Variants in SLCO1B1 observed in about 807,000 individuals in gnomAD.
SLCO1B1 encodes the protein OATP-2.
In SLCO1B1, 81 loss-of-function variants were observed where a neutral mutation model predicts 70.1. That is an observed-to-expected ratio of 1.16 (90% CI 0.97 to 1.39). SLCO1B1 has a LOEUF of 1.39. Ranked by LOEUF, SLCO1B1 falls within the 40% of genes most tolerant of loss-of-function variation. The pLI is 0.00. For missense variants in SLCO1B1, 895 were observed against 799.6 expected, an observed-to-expected ratio of 1.12 and a Z score of -1.44; for synonymous variants, 283 against 271.5, an observed-to-expected ratio of 1.04 and a Z score of -0.42.
chr12:21,136,237 A>G (rs1462036522), intron 1 of SLCO1B1, among the ~76,000 whole-genome samples: 2 of 151,938 alleles, frequency 1.3e-5, no homozygotes, highest in African/African-American at 4.8e-5. Context: ...TGGGTAACCC[A>G]ACCTTTCTCT....
chr12:21,139,628 A>G (rs893269097), intron 1 of SLCO1B1, among the ~76,000 whole-genome samples: 1 of 152,158 alleles, frequency 6.6e-6, no homozygotes, highest in African/African-American at 2.4e-5. Context: ...CAGATTCTAT[A>G]TAAGAAAATT....
Position 21,215,106 on chromosome 12 carries a change from A to G in SLCO1B1, c.1498-2013A>G, listed in dbSNP as rs528625627. On this transcript the variant is annotated intron_variant, in intron 11 of 14. Transcript: ENST00000256958. ...CTCCTCCAACCAGGGTTTTTGAGATATAGAATCATATCATAGTGCAGAGAG... is the reference window on the plus strand; with the variant it reads ...CTCCTCCAACCAGGGTTTTTGAGATGTAGAATCATATCATAGTGCAGAGAG... 4.0e-3 allele frequency among the ~76,000 whole-genome samples: 614 copies of G among 152,294 alleles called. 1 individual carries two copies. The highest frequency in any genetic ancestry group is 6.3e-3 in the Non-Finnish European group (427 of 68,016).
At position 21,165,736 on chromosome 12, in the gene SLCO1B1, T is replaced by C. The variant is rs563142855; in HGVS notation, c.85-6914T>C. 2.0e-5 allele frequency among the ~76,000 whole-genome samples: 3 copies of C among 152,212 alleles called. No individual in the cohort carries two copies. The South Asian group carries it at 6.2e-4, about 32-fold the overall frequency. On this transcript the variant is annotated intron_variant, in intron 2 of 14. Coordinates refer to ENST00000256958, the MANE Select transcript of SLCO1B1 (RefSeq NM_006446.5). Reference sequence around the variant, plus strand: ...GAGCTCACTAGATTTTTTTCCTCCATGTGAGAATACAAAGAGAAGTTAGCT... The same window carrying C: ...GAGCTCACTAGATTTTTTTCCTCCACGTGAGAATACAAAGAGAAGTTAGCT...
intron 7 of SLCO1B1, among the ~76,000 whole-genome samples, chr12:21,182,349 GCCAGCCTTGAAC>G (rs1462071038): frequency 1.3e-5 from 2 of 152,100 alleles, no homozygotes; most frequent in Non-Finnish European, 2.9e-5. Flanking sequence ...TAGAACTACA[GCCAGCCTTGAAC>G]CCAGGGGGTT....
chr12:21,172,728 A>G lies in SLCO1B1; in HGVS notation c.163A>G (p.Ile55Val), dbSNP rs915159194. 1.1e-5 allele frequency: 17 copies of G among 1,613,724 alleles called. No individual in the cohort carries two copies. The highest frequency in any genetic ancestry group is 1.4e-5 in the Non-Finnish European group (17 of 1,179,768). ...TATTATGAAAAGTTCCATCATTCATATAGAACGGAGATTTGAGATATCCTC... is the reference window on the plus strand; with the variant it reads ...TATTATGAAAAGTTCCATCATTCATGTAGAACGGAGATTTGAGATATCCTC... ...AIIMKSSIIH[I>V]ERRFEISSSL... The change falls in exon 3 of 15, where the codon ATA (isoleucine) becomes GTA (valine). Residue 55 changes from isoleucine to valine, a missense_variant. Ile to Val is a conservative substitution (Grantham distance 29, BLOSUM62 3). Coordinates refer to ENST00000256958, the MANE Select transcript of SLCO1B1 (RefSeq NM_006446.5).
intron 9 of SLCO1B1, among the ~76,000 whole-genome samples, 192 bp downstream of exon 9, chr12:21,200,864 T>A (rs1941149039): frequency 6.6e-6 from 1 of 152,170 alleles, no homozygotes; most frequent in Admixed American, 6.6e-5. Flanking sequence ...CATTTGAAGT[T>A]GCATCTTATT....
chr12:21,177,683 A>T (rs1243204564), intron 5 of SLCO1B1, among the ~76,000 whole-genome samples: 4 of 152,138 alleles, frequency 2.6e-5, no homozygotes, highest in African/African-American at 4.8e-5. Context: ...ATTATTGATT[A>T]ATCTTAAGGA....
Position 21,155,186 on chromosome 12 carries a change from T to A in SLCO1B1, c.84+13528T>A, listed in dbSNP as rs919156010. On this transcript the variant is annotated intron_variant, in intron 2 of 14. Coordinates refer to ENST00000256958, the MANE Select transcript of SLCO1B1 (RefSeq NM_006446.5). The stretch of plus-strand genomic sequence containing the variant: ...TATTTCTCCTCTTCAACTTATTTTT[T>A]CTCATTTTAAGGCATTAATAATTAA... 5.9e-5 allele frequency among the ~76,000 whole-genome samples: 9 copies of A among 152,052 alleles called. No homozygotes were observed. In the South Asian group the frequency reaches 1.9e-3, roughly 32 times the overall value.
chr12:21,229,089 TAG>T (rs1294349094), intron 14 of SLCO1B1, among the ~76,000 whole-genome samples: 1 of 152,078 alleles, frequency 6.6e-6, no homozygotes, highest in East Asian at 1.9e-4. Context: ...AACTCAATTT[TAG>T]AGAGTTTTAG....
intron 11 of SLCO1B1, among the ~76,000 whole-genome samples, chr12:21,208,667 T>C (rs77217292): frequency 0.017 from 2,526 of 152,174 alleles, 66 homozygotes; most frequent in African/African-American, 0.058. Flanking sequence ...TGAAAAATCA[T>C]GCCGGTTGTT....
intron 11 of SLCO1B1, among the ~76,000 whole-genome samples, chr12:21,211,847 G>A (rs866372602): frequency 2.1e-4 from 32 of 151,928 alleles, no homozygotes; most frequent in East Asian, 7.8e-4. Context: ...GTTTATTTGC[G>A]TAGAGGTGTT....
rs1591826653 is a variant in SLCO1B1, at chr12:21,222,290, C to T, written c.1683-10C>T. ...ATATTTAATGTTTCTTTGCCTTTGT[C>T]TTGTTTCAGAATTGTTCAACCTGAA... On this transcript the variant is annotated splice_polypyrimidine_tract_variant and intron_variant, in intron 12 of 14. Coordinates refer to ENST00000256958, the MANE Select transcript of SLCO1B1 (RefSeq NM_006446.5). 1 of 1,300,598 alleles carries T rather than the reference C, an allele frequency of 7.7e-7. No individual in the cohort carries two copies. Among genetic ancestry groups the T allele is most frequent in the Non-Finnish European group, 1.0e-6 (1 of 980,486 alleles). The allele number at this position is 1,300,598 out of a possible 1,614,324, so 80.6% of individuals were successfully genotyped here.
chr12:21,189,631 G>C lies in SLCO1B1; in HGVS notation c.728-7315G>C, dbSNP rs190798327. ...CTGGCTAATTTTTGTATTTTTAGTAGAGATGGGATTTCACCATGTTGGCCT... is the reference window on the plus strand; with the variant it reads ...CTGGCTAATTTTTGTATTTTTAGTACAGATGGGATTTCACCATGTTGGCCT... On this transcript the variant is annotated intron_variant, in intron 7 of 14. Coordinates refer to ENST00000256958, the MANE Select transcript of SLCO1B1 (RefSeq NM_006446.5). 1.5e-3 allele frequency among the ~76,000 whole-genome samples: 232 copies of C among 152,150 alleles called. 3 individuals are homozygous for C. The highest frequency in any genetic ancestry group is 5.5e-3 in the African/African-American group (230 of 41,496).
At chr12:21,180,362 A>G (rs1591811190) in intron 7 of SLCO1B1, among the ~76,000 whole-genome samples, 1 of 152,282 alleles carries the variant, frequency 6.6e-6, no homozygotes, top group East Asian at 1.9e-4. Context: ...CTCTTAGAGA[A>G]GCCTTACTTC....
At chr12:21,183,044 A>C (rs905728660) in intron 7 of SLCO1B1, among the ~76,000 whole-genome samples, 1 of 152,216 alleles carries the variant, frequency 6.6e-6, no homozygotes, top group Non-Finnish European at 1.5e-5. Context: ...TGGCCCAGGC[A>C]CAGGCCTGTT....
At chr12:21,162,308 AAC>A (rs1326817243) in intron 2 of SLCO1B1, among the ~76,000 whole-genome samples, 1 of 152,104 alleles carries the variant, frequency 6.6e-6, no homozygotes, top group Non-Finnish European at 1.5e-5. Flanking sequence ...AAACAATTTT[AAC>A]ACATATTTTA....
rs948123604 is a variant in SLCO1B1, at chr12:21,181,822, G to A, written c.727+2802G>A. Among the ~76,000 whole-genome samples the A allele has an allele frequency of 2.6e-5, 4 of 152,064 alleles. No homozygotes were observed. In the South Asian group the frequency reaches 8.3e-4, roughly 32 times the overall value. ...AATTTGGGGAGATTTGTGAAAATTTGAGAAAATTTATAGATGAATTGCATA... is the reference window on the plus strand; with the variant it reads ...AATTTGGGGAGATTTGTGAAAATTTAAGAAAATTTATAGATGAATTGCATA... On this transcript the variant is annotated intron_variant, in intron 7 of 14. Coordinates refer to ENST00000256958, the MANE Select transcript of SLCO1B1 (RefSeq NM_006446.5).
intron 2 of SLCO1B1, among the ~76,000 whole-genome samples, chr12:21,167,127 G>A (rs1250516952): frequency 1.3e-5 from 2 of 152,012 alleles, no homozygotes; most frequent in Non-Finnish European, 2.9e-5. Context: ...TTCTAAAAAT[G>A]TTTGCCACCA....
At chr12:21,185,472 T>C (rs10770791) in intron 7 of SLCO1B1, among the ~76,000 whole-genome samples, 83,608 of 151,790 alleles carry the variant, frequency 0.55, 23,450 homozygotes, top group East Asian at 0.74. Context: ...CACCCAAAAG[T>C]ATGGTAATTC....
Sources: allele counts gnomAD v4.1 joint callset (sites outside exome capture counted in the v4.1 genomes callset), GRCh38; gene constraint gnomAD v4.1.1; transcripts MANE v1.5; gene names NCBI Gene and HGNC (gene_info 2026-07-23, HGNC 2026-07-21).